FRMD4A: variants seen among roughly 807,000 people sequenced by gnomAD.
FRMD4A encodes the protein FERM domain-containing protein 4A.
In FRMD4A, 29 loss-of-function variants were observed where a neutral mutation model predicts 129.1. That is an observed-to-expected ratio of 0.22 (90% CI 0.17 to 0.31). FRMD4A has a LOEUF of 0.31. Among genes scored for constraint, FRMD4A ranks in the 10% least tolerant of loss-of-function variants. FRMD4A has a pLI of 1.00. For missense variants in FRMD4A, 1,272 were observed against 1,375.8 expected (o/e 0.92, Z 1.19); for synonymous variants, 634 against 571.6 (o/e 1.11, Z -1.56).
In FRMD4A at chr10:14,203,882, C is replaced by G. The variant is rs115433932; in HGVS notation, c.45+126176G>C. Reference sequence around the variant, plus strand: ...TATTCCAGCTGTCCTGAGGTATTATCTCAGCCAATCGTTCTTCCTCTGGAG... The same window carrying G: ...TATTCCAGCTGTCCTGAGGTATTATGTCAGCCAATCGTTCTTCCTCTGGAG... On this transcript the variant is annotated intron_variant, in intron 2 of 24. Transcript: ENST00000357447. Among the ~76,000 whole-genome samples the G allele has an allele frequency of 9.7e-3, 1,474 of 152,356 alleles. 21 individuals are homozygous for G. Among genetic ancestry groups the G allele is most frequent in the African/African-American group, 0.033 (1,365 of 41,588 alleles).
At chr10:14,261,742 C>T (rs1395889771) in intron 2 of FRMD4A, among the ~76,000 whole-genome samples, 1 of 152,070 alleles carries the variant, frequency 6.6e-6, no homozygotes, top group East Asian at 1.9e-4. Flanking sequence ...TTCTCTGGAC[C>T]TTAGTGTCTT....
At chr10:14,251,409 T>A (rs1240812214) in intron 2 of FRMD4A, among the ~76,000 whole-genome samples, 4 of 152,254 alleles carry the variant, frequency 2.6e-5, no homozygotes, top group South Asian at 2.1e-4. Flanking sequence ...ACAAGAATGA[T>A]CTTGGAAGCA....
At chr10:13,853,148 G>A (rs999912088) in intron 3 of FRMD4A, among the ~76,000 whole-genome samples, 2 of 152,178 alleles carry the variant, frequency 1.3e-5, no homozygotes, top group Non-Finnish European at 2.9e-5. Context: ...CTCACATCAT[G>A]CGGCAGCTCC....
At chr10:14,168,197 G>A (rs1401466720) in intron 2 of FRMD4A, among the ~76,000 whole-genome samples, 1 of 152,162 alleles carries the variant, frequency 6.6e-6, no homozygotes, top group African/African-American at 2.4e-5. Flanking sequence ...CCAGGCAGTG[G>A]TGTGCTGGTA....
intron 12 of FRMD4A, among the ~76,000 whole-genome samples, chr10:13,712,865 C>T (rs1219215561): frequency 1.3e-5 from 2 of 152,188 alleles, no homozygotes; most frequent in African/African-American, 4.8e-5. Flanking sequence ...TGAGCAGGGA[C>T]CAGTTACTGG....
intron 2 of FRMD4A, among the ~76,000 whole-genome samples, chr10:13,892,786 T>C (rs2094715843): frequency 6.6e-6 from 1 of 152,190 alleles, no homozygotes; most frequent in Non-Finnish European, 1.5e-5. Flanking sequence ...AACATCATTT[T>C]CCGGAGACCG....
rs573419094 is a variant in FRMD4A at position 14,101,238 on chromosome 10, C to T, written c.45+228820G>A. The stretch of plus-strand genomic sequence containing the variant: ...CATAATCCTCTTGTCAATATTATAG[C>T]ACATGACGACTGCAGGATCTCCCAG... On this transcript the variant is annotated intron_variant, in intron 2 of 24. Coordinates refer to ENST00000357447, the MANE Select transcript of FRMD4A (RefSeq NM_018027.5). Among the ~76,000 whole-genome samples the T allele has an allele frequency of 7.9e-5, 12 of 152,326 alleles. No individual in the cohort carries two copies. In the East Asian group the frequency reaches 2.3e-3, roughly 29 times the overall value.
intron 2 of FRMD4A, among the ~76,000 whole-genome samples, chr10:14,209,382 G>A (rs1842873511): frequency 6.6e-6 from 1 of 152,160 alleles, no homozygotes; most frequent in South Asian, 2.1e-4. Context: ...TGTACATGTA[G>A]TTAAATCCAG....
At chr10:13,887,032 T>C (rs1249474457) in intron 2 of FRMD4A, among the ~76,000 whole-genome samples, 2 of 152,198 alleles carry the variant, frequency 1.3e-5, no homozygotes, top group African/African-American at 4.8e-5. Flanking sequence ...TCTTCTTGTA[T>C]TGCATCATTG....
chr10:14,185,493 C>T lies in FRMD4A; in HGVS notation c.45+144565G>A, dbSNP rs573843168. On this transcript the variant is annotated intron_variant, in intron 2 of 24. Coordinates refer to ENST00000357447, the MANE Select transcript of FRMD4A (RefSeq NM_018027.5). Reference sequence around the variant, plus strand: ...AACATTACAACATTTTGTAATTTTTCTAACTTCAAGTATTTTTTGGAGGTT... The same window carrying T: ...AACATTACAACATTTTGTAATTTTTTTAACTTCAAGTATTTTTTGGAGGTT... Among the ~76,000 whole-genome samples, 260 of 152,224 alleles carry T rather than the reference C, an allele frequency of 1.7e-3. 1 individual carries two copies. Among genetic ancestry groups the T allele is most frequent in the African/African-American group, 5.1e-3 (213 of 41,526 alleles).
At chr10:14,106,742 C>A (rs1837607024) in intron 2 of FRMD4A, among the ~76,000 whole-genome samples, 1 of 152,128 alleles carries the variant, frequency 6.6e-6, no homozygotes, top group African/African-American at 2.4e-5. Flanking sequence ...AAAGATCTTT[C>A]TGTCTTTTGG....
chr10:13,811,933 T>C lies in FRMD4A; in HGVS notation c.112-1025A>G, dbSNP rs184867233. Among the ~76,000 whole-genome samples the C allele has an allele frequency of 1.2e-4, 17 of 145,326 alleles. No homozygotes were observed. The East Asian group carries it at 2.7e-3, about 23-fold the overall frequency. On this transcript the variant is annotated intron_variant, in intron 3 of 24. Transcript: ENST00000357447. ...GAGTCTCGCTCTGTCACCAGGCTGGTGTGCAGTAGTGCGATCTTGGCTCAT... is the reference window on the plus strand; with the variant it reads ...GAGTCTCGCTCTGTCACCAGGCTGGCGTGCAGTAGTGCGATCTTGGCTCAT...
At chr10:13,785,323 G>T (rs927235494) in intron 5 of FRMD4A, among the ~76,000 whole-genome samples, 1 of 152,094 alleles carries the variant, frequency 6.6e-6, no homozygotes, top group Non-Finnish European at 1.5e-5. Flanking sequence ...GAGGAATTAC[G>T]CAGTGGTCCT....
At chr10:13,800,123 A>G (rs2130840075) in intron 4 of FRMD4A, among the ~76,000 whole-genome samples, 1 of 152,336 alleles carries the variant, frequency 6.6e-6, no homozygotes, top group African/African-American at 2.4e-5. Context: ...CAGAGGTTGC[A>G]GTGAGCTGAG....
intron 2 of FRMD4A, among the ~76,000 whole-genome samples, chr10:14,128,017 TTC>T (rs1838995657): frequency 1.4e-5 from 2 of 142,440 alleles, no homozygotes; most frequent in South Asian, 2.4e-4. Flanking sequence ...TCTTTCTTCC[TTC>T]CTTCCTTCCT....
At chr10:13,688,991 T>C (rs2085378064) in intron 15 of FRMD4A, among the ~76,000 whole-genome samples, 1 of 151,970 alleles carries the variant, frequency 6.6e-6, no homozygotes, top group Admixed American at 6.6e-5. Flanking sequence ...GCCTGAGCCA[T>C]TGCACCTGGC....
At chr10:13,980,969 T>A (rs2095558480) in intron 2 of FRMD4A, among the ~76,000 whole-genome samples, 1 of 152,222 alleles carries the variant, frequency 6.6e-6, no homozygotes, top group Non-Finnish European at 1.5e-5. Context: ...CTTTGATATA[T>A]GCAAAATCAG....
chr10:14,094,067 G>C (rs1035113250), intron 2 of FRMD4A, among the ~76,000 whole-genome samples: 3 of 152,236 alleles, frequency 2.0e-5, no homozygotes, highest in African/African-American at 7.2e-5. Flanking sequence ...CGACCCATCA[G>C]AGCAGAACAC....
chr10:14,045,297 C>T (rs1206806726), intron 2 of FRMD4A, among the ~76,000 whole-genome samples: 1 of 152,144 alleles, frequency 6.6e-6, no homozygotes, highest in Non-Finnish European at 1.5e-5. Context: ...TGGTGTGCAA[C>T]ATCTGGTGTG....
Sources: gnomAD v4.1 joint callset for allele counts (sites outside exome capture counted in the v4.1 genomes callset) on GRCh38, gnomAD v4.1.1 for gene constraint, MANE v1.5 for transcripts, NCBI Gene and HGNC (gene_info 2026-07-23, HGNC 2026-07-21) for gene names.